PDE4D: variants seen among roughly 807,000 people sequenced by gnomAD.
The protein encoded by PDE4D is 3',5'-cyclic-AMP phosphodiesterase 4D.
In PDE4D, 24 loss-of-function variants were observed where a neutral mutation model predicts 87.4. That is an observed-to-expected ratio of 0.27 (90% CI 0.20 to 0.39). The LOEUF is 0.39. PDE4D is among the 10% of genes least tolerant of loss of function. The probability of loss-of-function intolerance (pLI) is 1.00; values close to 1 mark genes in which losing one functional copy is unlikely to be tolerated. For missense variants in PDE4D, 714 were observed against 1,041.0 expected (o/e 0.69, Z 4.32); for synonymous variants, 384 against 383.2 (o/e 1.00, Z -0.02).
At chr5:59,676,620 A>G (rs1208845663) in intron 1 of PDE4D, among the ~76,000 whole-genome samples, 1 of 152,204 alleles carries the variant, frequency 6.6e-6, no homozygotes, top group Non-Finnish European at 1.5e-5. Flanking sequence ...TAAGGAAATC[A>G]AAGGATATAT....
intron 1 of PDE4D, among the ~76,000 whole-genome samples, chr5:59,797,414 A>C (rs1056455164): frequency 1.3e-5 from 2 of 152,256 alleles, no homozygotes; most frequent in African/African-American, 4.8e-5. Flanking sequence ...TGCTTTGGGC[A>C]AATAAAAATT....
chr5:59,720,603 G>A (rs547897113), intron 1 of PDE4D, among the ~76,000 whole-genome samples: 60 of 152,248 alleles, frequency 3.9e-4, no homozygotes, highest in African/African-American at 1.4e-3. Flanking sequence ...GAGAATAAGA[G>A]AGCATGAAAC....
intron 1 of PDE4D, chr5:59,275,960 G>C: frequency 3.0e-6 from 3 of 985,030 alleles, no homozygotes; most frequent in Non-Finnish European, 2.4e-6. Flanking sequence ...TGGCTGGGTG[G>C]GCTGATTTAC....
rs1173776503 is a variant in PDE4D, at chr5:58,971,739, G to A, written c.*2925C>T. Reference sequence around the variant, plus strand: ...AAATGCACTGGTTTTACACAAACTTGGACATTTTTTTCCCCATACAGTACC... The same window carrying A: ...AAATGCACTGGTTTTACACAAACTTAGACATTTTTTTCCCCATACAGTACC... On this transcript the variant is annotated 3_prime_UTR_variant, in exon 15 of 15. Transcript: ENST00000340635. 1 of 152,504 alleles carries A rather than the reference G, an allele frequency of 6.6e-6. No individual in the cohort carries two copies. The highest frequency in any genetic ancestry group is 1.5e-5 in the Non-Finnish European group (1 of 68,004). The allele number at this position is 152,504 out of a possible 1,614,324, so 9.4% of individuals were successfully genotyped here.
chr5:60,317,397 A>G (rs920530601), intron 1 of PDE4D, among the ~76,000 whole-genome samples: 8 of 151,830 alleles, frequency 5.3e-5, no homozygotes, highest in Non-Finnish European at 1.0e-4. Flanking sequence ...TATTAGTCTT[A>G]CTAGTGGTCT....
At chr5:59,895,734 A>G (rs192697078), upstream of PDE4D, among the ~76,000 whole-genome samples, 1 of 152,222 alleles carries the variant, frequency 6.6e-6, no homozygotes. Context: ...TCGCCTCAAT[A>G]TAACTGTGGC....
intron 1 of PDE4D, among the ~76,000 whole-genome samples, chr5:60,457,342 T>C (rs1446542689): frequency 6.6e-6 from 1 of 152,208 alleles, no homozygotes; most frequent in Admixed American, 6.5e-5. Context: ...CCCTGAAATT[T>C]TGATTTAAGA....
intron 1 of PDE4D, among the ~76,000 whole-genome samples, chr5:59,838,864 A>G (rs565967992): frequency 6.6e-6 from 1 of 152,108 alleles, no homozygotes; most frequent in South Asian, 2.1e-4. Flanking sequence ...ACAGATGTCT[A>G]TTCTTTTTAT....
intron 2 of PDE4D, among the ~76,000 whole-genome samples, chr5:60,157,853 T>G (rs923540540): frequency 6.6e-6 from 1 of 151,634 alleles, no homozygotes; most frequent in Non-Finnish European, 1.5e-5. Context: ...CATTCTTTTC[T>G]TTTCTTTTTT....
At chr5:59,322,520 G>A (rs1263091349) in intron 1 of PDE4D, among the ~76,000 whole-genome samples, 3 of 152,064 alleles carry the variant, frequency 2.0e-5, no homozygotes, top group Non-Finnish European at 4.4e-5. Flanking sequence ...AGCTCATTGG[G>A]CACTCCATAG....
chr5:60,320,415 A>G (rs1756132881), intron 1 of PDE4D, among the ~76,000 whole-genome samples: 1 of 151,832 alleles, frequency 6.6e-6, no homozygotes, highest in African/African-American at 2.4e-5. Flanking sequence ...GAATTCCCTG[A>G]CCCCTTATGC....
intron 1 of PDE4D, among the ~76,000 whole-genome samples, chr5:60,518,019 G>A (rs189711304): frequency 2.5e-4 from 38 of 152,340 alleles, no homozygotes; most frequent in African/African-American, 8.9e-4. Flanking sequence ...AGTTCCTGGC[G>A]TCTCCAAGCT....
intron 10 of PDE4D, 131 bp downstream of exon 10, chr5:58,989,624 C>A: frequency 1.8e-6 from 1 of 567,432 alleles, no homozygotes; most frequent in South Asian, 2.8e-5. Flanking sequence ...TAGCATTTTC[C>A]CCCATAAGTC....
At chr5:59,118,084 G>T (rs979628181) in intron 5 of PDE4D, among the ~76,000 whole-genome samples, 1 of 152,098 alleles carries the variant, frequency 6.6e-6, no homozygotes, top group African/African-American at 2.4e-5. Flanking sequence ...TATTCTTCAT[G>T]GTGCCCGGCA....
intron 2 of PDE4D, among the ~76,000 whole-genome samples, chr5:59,995,756 G>C (rs1328821120): frequency 6.6e-6 from 1 of 152,200 alleles, no homozygotes; most frequent in Non-Finnish European, 1.5e-5. Flanking sequence ...TTGCCTGTGT[G>C]ACTACTCACT....
intron 1 of PDE4D, among the ~76,000 whole-genome samples, chr5:59,217,765 C>T (rs1751573292): frequency 6.6e-6 from 1 of 152,158 alleles, no homozygotes; most frequent in African/African-American, 2.4e-5. Flanking sequence ...ATATATGTGG[C>T]ACCCAAACAG....
At chr5:59,026,374 A>G (rs1042713509) in intron 6 of PDE4D, among the ~76,000 whole-genome samples, 2 of 152,230 alleles carry the variant, frequency 1.3e-5, no homozygotes, top group Admixed American at 6.5e-5. Flanking sequence ...ACAAAGTAGA[A>G]TGCTCAGACT....
At chr5:60,055,688 A>G (rs1770702563) in intron 2 of PDE4D, among the ~76,000 whole-genome samples, 1 of 152,128 alleles carries the variant, frequency 6.6e-6, no homozygotes, top group Non-Finnish European at 1.5e-5. Flanking sequence ...AAGACATAAA[A>G]AATTGAAAAG....
intron 3 of PDE4D, among the ~76,000 whole-genome samples, chr5:59,952,336 A>C (rs1389648843): frequency 6.6e-6 from 1 of 151,986 alleles, no homozygotes; most frequent in African/African-American, 2.4e-5. Context: ...CAGCCCCTTT[A>C]TATCCACAGT....
Sources: allele counts gnomAD v4.1 joint callset (sites outside exome capture counted in the v4.1 genomes callset), GRCh38; gene constraint gnomAD v4.1.1; transcripts MANE v1.5; gene names NCBI Gene and HGNC (gene_info 2026-07-23, HGNC 2026-07-21).